ZP2: variants seen among roughly 807,000 people sequenced by gnomAD.
ZP2 encodes the protein zona pellucida glycoprotein 2, also known as zona pellucida sperm-binding protein 2.
A neutral mutation model predicts 84.0 loss-of-function variants in ZP2; 51 were observed. The observed-to-expected ratio is 0.61, with a 90% confidence interval of 0.49 to 0.77. The LOEUF (loss-of-function observed/expected upper bound fraction) is 0.77. Ranked by LOEUF, ZP2 falls within the 30% of genes least tolerant of loss-of-function variation. The pLI, the probability that ZP2 is intolerant of heterozygous loss-of-function variation, is 0.00. For synonymous variants in ZP2, 375 were observed against 330.9 expected (o/e 1.13, Z -1.45); for missense variants, 909 against 911.9 (o/e 1.00, Z 0.04).
At chr16:21,211,696 G>C (rs759475359), upstream of ZP2, 1 of 1,538,434 alleles carries the variant, frequency 6.5e-7, no homozygotes, top group African/African-American at 1.4e-5. Context: ...ATTGGGGAAG[G>C]AAGTGGCCTC....
At chr16:21,214,324 A>C (rs1224980312), upstream of ZP2, 2 of 981,630 alleles carry the variant, frequency 2.0e-6, no homozygotes, top group Non-Finnish European at 2.4e-6. Context: ...AAAAGCAGGA[A>C]GCTACCATCT....
chr16:21,199,682 A>T lies in ZP2; in HGVS notation c.1831-16T>A. 6.2e-7 allele frequency: 1 copy of T among 1,613,448 alleles called. No individual in the cohort carries two copies. Among genetic ancestry groups the T allele is most frequent in the East Asian group, 2.2e-5 (1 of 44,870 alleles). ...GGAAGTAGACCTGGAGACAGAAGAG[A>T]GTTACATGGAATCGATGCACTAACA... On this transcript the variant is annotated splice_polypyrimidine_tract_variant and intron_variant, in intron 15 of 18. Transcript: ENST00000574091.
chr16:21,213,998 C>T (rs2093283384), upstream of ZP2, among the ~76,000 whole-genome samples: 1 of 151,892 alleles, frequency 6.6e-6, no homozygotes, highest in South Asian at 2.1e-4. Flanking sequence ...CTCCCTCAGA[C>T]CCCACCTCCC....
intron 18 of ZP2, 64 bp from the exon 19 acceptor site, chr16:21,197,686 A>C: frequency 2.5e-6 from 4 of 1,609,026 alleles, no homozygotes; most frequent in Non-Finnish European, 3.4e-6. Context: ...GAAGCCTTAC[A>C]TAAGGCTCCC....
rs140858485 is a variant in ZP2, at chr16:21,209,888, A to G, written c.236-163T>C. 3,742 of 717,938 alleles carry G rather than the reference A, an allele frequency of 5.2e-3. 23 individuals are homozygous for G. The highest frequency in any genetic ancestry group is 7.4e-3 in the Non-Finnish European group (3,125 of 420,152). The allele number at this position is 717,938 out of a possible 1,614,324, so 44.5% of individuals were successfully genotyped here. ...TGAGCTTTGAGATGGTATGACTTGC[A>G]GCCAGAGGCTTCCCAGAGATGCTGG... On this transcript the variant is annotated intron_variant, in intron 3 of 18. Coordinates refer to ENST00000574091, the MANE Select transcript of ZP2 (RefSeq NM_001376232.1).
chr16:21,209,544 A>G (rs2093264975), intron 4 of ZP2, 87 bp downstream of exon 4: 1 of 1,255,120 alleles, frequency 8.0e-7, no homozygotes, highest in Non-Finnish European at 1.2e-6. Flanking sequence ...GCTTTACTCC[A>G]AAGAGAAAGT....
rs1395507871 is a variant in ZP2 at position 21,204,205 on chromosome 16, A to G, written c.797T>C (p.Val266Ala). ...AGTCATGTGTGTGGCATTGCAGGTC[A>G]CAGGATCTAGAAGGAATGACAACAG... ...SSQAICAPDP[V>A]TCNATHMTLT... is the part of the protein sequence containing the mutation. Residue 266 changes from valine (V) to alanine (A), a missense_variant, in exon 9 of 19, where the codon GTG becomes GCG. Transcript: ENST00000574091. 5 of 1,614,162 alleles carry G rather than the reference A, an allele frequency of 3.1e-6. No homozygotes were observed. The South Asian group carries it at 4.4e-5, about 14-fold the overall frequency.
rs780210151 is a variant in ZP2, at chr16:21,204,028, A to G, written c.972+2T>C. ...AGTTCAGTGGTTGACAATTGAACAT[A>G]CTTTCGTTTTGAGCAGAGTTTTGCT... On this transcript the variant is annotated splice_donor_variant, in intron 9 of 18. Transcript: ENST00000574091. LOFTEE classifies it high-confidence loss of function. 5.0e-6 allele frequency: 8 copies of G among 1,612,688 alleles called. No homozygotes were observed. The highest frequency in any genetic ancestry group is 1.7e-5 in the Admixed American group (1 of 60,004).
rs767102047 is a variant in ZP2, at chr16:21,197,965, G to A, written c.2012-116C>T. 8.6e-5 allele frequency: 82 copies of A among 951,222 alleles called. 1 individual carries two copies. Among genetic ancestry groups the A allele is most frequent in the Non-Finnish European group, 1.3e-4 (78 of 602,124 alleles). The allele number at this position is 951,222 out of a possible 1,614,324, so 58.9% of individuals were successfully genotyped here. ...TTAAGGCTATCTCAGGTAAGGGTAT[G>A]TGTTAACAGGCACAAACTAATACAC... On this transcript the variant is annotated intron_variant, in intron 17 of 18. Coordinates refer to ENST00000574091, the MANE Select transcript of ZP2 (RefSeq NM_001376232.1).
At chr16:21,214,031 C>A (rs962009133), upstream of ZP2, among the ~76,000 whole-genome samples, 1 of 151,908 alleles carries the variant, frequency 6.6e-6, no homozygotes. Flanking sequence ...TACTCACTCC[C>A]CTCGAGATGG....
intron 9 of ZP2, 122 bp downstream of exon 9, chr16:21,203,908 T>C (rs1468618997): frequency 2.9e-6 from 3 of 1,037,340 alleles, no homozygotes; most frequent in Non-Finnish European, 4.3e-6. Context: ...CTTTTGGAGT[T>C]TGAATCTGTT....
At position 21,205,781 on chromosome 16, in the gene ZP2, A is replaced by G. The variant is rs1381834746; in HGVS notation, c.484-6T>C. Reference sequence around the variant, plus strand: ...AAGACCCGTGGCAAGGAAAACTGGAAGAAAAGAATTGTGATGTAAGACTTT... The same window carrying G: ...AAGACCCGTGGCAAGGAAAACTGGAGGAAAAGAATTGTGATGTAAGACTTT... On this transcript the variant is annotated splice_polypyrimidine_tract_variant and splice_region_variant and intron_variant, in intron 5 of 18. Coordinates refer to ENST00000574091, the MANE Select transcript of ZP2 (RefSeq NM_001376232.1). 6.2e-7 allele frequency: 1 copy of G among 1,613,954 alleles called. No homozygotes were observed. The highest frequency in any genetic ancestry group is 1.7e-5 in the Admixed American group (1 of 60,010).
upstream of ZP2, among the ~76,000 whole-genome samples, chr16:21,213,936 G>A (rs144455209): frequency 2.0e-4 from 30 of 152,070 alleles, no homozygotes; most frequent in African/African-American, 6.3e-4. Context: ...GAGACTCAGA[G>A]CCCTATTGAG....
At chr16:21,213,033 C>T (rs1408249130), upstream of ZP2, among the ~76,000 whole-genome samples, 7 of 152,150 alleles carry the variant, frequency 4.6e-5, no homozygotes, top group East Asian at 3.9e-4. Context: ...CAGTTTTTGC[C>T]GCTACTTTTA....
chr16:21,209,761 A>C, intron 3 of ZP2, 36 bp from the exon 4 acceptor site: 1 of 1,577,106 alleles, frequency 6.3e-7, no homozygotes, highest in Middle Eastern at 1.7e-4. Context: ...AGGATGGCTG[A>C]GTACATTTCA....
At position 21,204,333 on chromosome 16, in the gene ZP2, G is replaced by A; in HGVS notation, c.765C>T (p.Phe255=). 1 of 1,614,100 alleles carries A rather than the reference G, an allele frequency of 6.2e-7. No homozygotes were observed. The highest frequency in any genetic ancestry group is 8.5e-7 in the Non-Finnish European group (1 of 1,179,984). Residue 255 remains phenylalanine, a synonymous_variant, in exon 8 of 19, where the codon TTC becomes TTT. Transcript: ENST00000574091. ...CTGGTGCACAAATAGCTTGTGAAGA[G>A]AAGATCACCTTCTGTCCAGGAGATA... ...TFISPGQKVI[F]SSQAICAPDP... is the part of the protein sequence containing the mutation.
At chr16:21,209,502 A>T (rs1244998904) in intron 4 of ZP2, 129 bp downstream of exon 4, 8 of 726,394 alleles carry the variant, frequency 1.1e-5, no homozygotes, top group Non-Finnish European at 1.6e-5. Context: ...AGAGCCACAC[A>T]CGAGACACCA....
intron 9 of ZP2, 77 bp downstream of exon 9, chr16:21,203,953 G>A: frequency 6.5e-7 from 1 of 1,529,506 alleles, no homozygotes; most frequent in Non-Finnish European, 9.0e-7. Context: ...CAAGTTATCA[G>A]CCGTATGAGG....
At chr16:21,210,276 G>A in intron 2 of ZP2, 84 bp from the exon 3 acceptor site, 1 of 1,096,454 alleles carries the variant, frequency 9.1e-7, no homozygotes, top group South Asian at 1.3e-5. Flanking sequence ...TCTCAGATGG[G>A]AGGGATTCCA....
Sources: gnomAD v4.1 joint callset for allele counts (sites outside exome capture counted in the v4.1 genomes callset) on GRCh38, gnomAD v4.1.1 for gene constraint, MANE v1.5 for transcripts, NCBI Gene and HGNC (gene_info 2026-07-23, HGNC 2026-07-21) for gene names.